WWOX: variants seen among roughly 807,000 people sequenced by gnomAD.
WWOX encodes the protein WW domain containing oxidoreductase, also known as WW domain-containing oxidoreductase.
WWOX carries 69 observed loss-of-function variants against 46.2 expected under a neutral mutation model. The observed-to-expected ratio is 1.49, with a 90% CI of 1.23 to 1.82. The LOEUF is 1.82. Among genes scored for constraint, WWOX ranks in the 40% most tolerant of loss-of-function variants. The pLI, the probability that WWOX is intolerant of heterozygous loss-of-function variation, is 0.00. For missense variants in WWOX, 919 were observed against 542.6 expected (o/e 1.69, Z -6.89); for synonymous variants, 359 against 202.6 (o/e 1.77, Z -6.56).
chr16:78,707,223 G>C (rs956427752), intron 8 of WWOX, among the ~76,000 whole-genome samples: 2 of 152,124 alleles, frequency 1.3e-5, no homozygotes, highest in African/African-American at 2.4e-5. Flanking sequence ...AGCACCATCA[G>C]TCTTTTGGGA....
intron 8 of WWOX, among the ~76,000 whole-genome samples, chr16:78,768,282 A>AAAAAACAAAC (rs1193418123): frequency 5.0e-5 from 7 of 139,912 alleles, no homozygotes; most frequent in African/African-American, 2.1e-4. Context: ...GATGAGTTAA[A>AAAAAACAAAC]AAAAAAAAAA....
chr16:78,371,052 C>A (rs1473251537), intron 5 of WWOX, among the ~76,000 whole-genome samples: 1 of 131,540 alleles, frequency 7.6e-6, no homozygotes, highest in African/African-American at 2.7e-5. Flanking sequence ...TTTTTCTTTG[C>A]TGTTCTTCAT....
At position 78,206,153 on chromosome 16, in the gene WWOX, T is replaced by C. The variant is rs190014541; in HGVS notation, c.516+41864T>C. On this transcript the variant is annotated intron_variant, in intron 5 of 8. Transcript: ENST00000566780. ...TTGAAATTTTTTATACTATGTTCTATTGGGAACCATTTCAGGGTTTTGAGA... is the reference window on the plus strand; with the variant it reads ...TTGAAATTTTTTATACTATGTTCTACTGGGAACCATTTCAGGGTTTTGAGA... 2.8e-3 allele frequency among the ~76,000 whole-genome samples: 420 copies of C among 152,236 alleles called. 1 individual carries two copies. The highest frequency in any genetic ancestry group is 4.1e-3 in the Non-Finnish European group (278 of 68,014).
Position 78,757,174 on chromosome 16 carries a change from C to T in WWOX, c.1056+324422C>T, listed in dbSNP as rs377712582. Among the ~76,000 whole-genome samples, 17 of 152,116 alleles carry T rather than the reference C, an allele frequency of 1.1e-4. No individual in the cohort carries two copies. In the East Asian group the frequency reaches 1.2e-3, roughly 10 times the overall value. On this transcript the variant is annotated intron_variant, in intron 8 of 8. Coordinates refer to ENST00000566780, the MANE Select transcript of WWOX (RefSeq NM_016373.4). ...TTTCTGCACCACAGAAATTCTTGTG[C>T]GAGATAATAAAAGTTAATTATTGTT...
chr16:78,494,094 G>A (rs554268774), intron 8 of WWOX, among the ~76,000 whole-genome samples: 2 of 152,110 alleles, frequency 1.3e-5, no homozygotes, highest in South Asian at 2.1e-4. Flanking sequence ...TATGGCAGAA[G>A]GTGAAGGGGA....
intron 5 of WWOX, among the ~76,000 whole-genome samples, chr16:78,369,857 G>A (rs925286582): frequency 2.6e-5 from 4 of 152,044 alleles, no homozygotes; most frequent in Non-Finnish European, 4.4e-5. Context: ...ATAAGGGCAC[G>A]CACAATGGCT....
At chr16:78,674,505 A>G (rs547662651) in intron 8 of WWOX, among the ~76,000 whole-genome samples, 1 of 151,890 alleles carries the variant, frequency 6.6e-6, no homozygotes, top group African/African-American at 2.4e-5. Flanking sequence ...GGCTGGTCTC[A>G]AACTCCTGAC....
At chr16:78,667,670 CAAAAAAAA>C (rs35375082) in intron 8 of WWOX, among the ~76,000 whole-genome samples, 2 of 61,306 alleles carry the variant, frequency 3.3e-5, no homozygotes, top group Non-Finnish European at 6.7e-5. Context: ...GACTCCGTCT[CAAAAAAAA>C]AAAAAAAAAA....
intron 8 of WWOX, among the ~76,000 whole-genome samples, chr16:78,609,267 A>G (rs1250737271): frequency 6.6e-6 from 1 of 151,952 alleles, no homozygotes; most frequent in Non-Finnish European, 1.5e-5. Context: ...CTGCCAAGTT[A>G]TTTTTTTGTT....
intron 5 of WWOX, among the ~76,000 whole-genome samples, chr16:78,222,534 A>G (rs866378340): frequency 6.6e-6 from 1 of 152,262 alleles, no homozygotes; most frequent in Non-Finnish European, 1.5e-5. Context: ...TTTGCAGCCG[A>G]GACATCGGGG....
intron 8 of WWOX, among the ~76,000 whole-genome samples, chr16:78,501,956 TCA>T (rs2085081325): frequency 1.3e-5 from 2 of 152,266 alleles, no homozygotes; most frequent in Admixed American, 1.3e-4. Context: ...TCGGTTCCTC[TCA>T]GAGTTAACGT....
intron 8 of WWOX, among the ~76,000 whole-genome samples, chr16:79,182,487 G>C (rs565155924): frequency 4.6e-5 from 7 of 152,104 alleles, no homozygotes; most frequent in African/African-American, 1.4e-4. Flanking sequence ...TGAGAATGCA[G>C]TGATTCTTCA....
intron 8 of WWOX, among the ~76,000 whole-genome samples, chr16:78,936,799 C>T (rs1473558105): frequency 6.6e-6 from 1 of 152,138 alleles, no homozygotes; most frequent in African/African-American, 2.4e-5. Context: ...TGAAGTATGT[C>T]TAGAGTATGG....
At chr16:78,149,078 A>T (rs1270776965) in intron 4 of WWOX, among the ~76,000 whole-genome samples, 1 of 152,000 alleles carries the variant, frequency 6.6e-6, no homozygotes, top group African/African-American at 2.4e-5. Context: ...TGTAACCTCG[A>T]ATTCCTAAGC....
chr16:78,238,120 G>C (rs2037503511), intron 5 of WWOX: 1 of 152,220 alleles, frequency 6.6e-6, no homozygotes, highest in Admixed American at 6.5e-5. Flanking sequence ...CGTCTAGAAA[G>C]TGCCTCGGTT....
At position 78,109,105 on chromosome 16, in the gene WWOX, G is replaced by C. The variant is rs114980716; in HGVS notation, c.172+618G>C. On this transcript the variant is annotated intron_variant, in intron 2 of 8. Coordinates refer to ENST00000566780, the MANE Select transcript of WWOX (RefSeq NM_016373.4). Reference sequence around the variant, plus strand: ...TAAAATTGTTCTTGGCTATACTATGGAATTAAATATATAAGTATTTGGAAA... The same window carrying C: ...TAAAATTGTTCTTGGCTATACTATGCAATTAAATATATAAGTATTTGGAAA... 6.4e-3 allele frequency among the ~76,000 whole-genome samples: 972 copies of C among 152,280 alleles called. 15 individuals are homozygous for C. Among genetic ancestry groups the C allele is most frequent in the African/African-American group, 0.022 (922 of 41,554 alleles).
chr16:78,740,973 C>T (rs776563623), intron 8 of WWOX, among the ~76,000 whole-genome samples: 1 of 152,148 alleles, frequency 6.6e-6, no homozygotes, highest in Non-Finnish European at 1.5e-5. Context: ...CAAATACAAG[C>T]CCTTCTCTTA....
chr16:78,340,021 G>C lies in WWOX; in HGVS notation c.517-46839G>C, dbSNP rs1219806409. Among the ~76,000 whole-genome samples the C allele has an allele frequency of 1.2e-4, 6 of 49,056 alleles. 1 individual carries two copies. The highest frequency in any genetic ancestry group is 4.0e-4 in the East Asian group (1 of 2,516). 32.2% of individuals were successfully genotyped at this position (49,056 alleles called of 152,430 possible). On this transcript the variant is annotated intron_variant, in intron 5 of 8. Coordinates refer to ENST00000566780, the MANE Select transcript of WWOX (RefSeq NM_016373.4). ...CTAGTCTTTCCATGGATTTGGTGGG[G>C]GGGGGGGGGACGTTTCTATTTCCTT...
Position 78,475,256 on chromosome 16 carries a change from A to T in WWOX, c.1056+42504A>T, listed in dbSNP as rs137944425. Reference sequence around the variant, plus strand: ...TGCTGGAAGCTGCTGCTGCTTCTTCATCTTTATCTTCTCCTCCCTGTGTAT... The same window carrying T: ...TGCTGGAAGCTGCTGCTGCTTCTTCTTCTTTATCTTCTCCTCCCTGTGTAT... On this transcript the variant is annotated intron_variant, in intron 8 of 8. Coordinates refer to ENST00000566780, the MANE Select transcript of WWOX (RefSeq NM_016373.4). 3.0e-3 allele frequency among the ~76,000 whole-genome samples: 463 copies of T among 152,314 alleles called. 2 individuals carry two copies. Among genetic ancestry groups the T allele is most frequent in the Non-Finnish European group, 4.9e-3 (332 of 68,034 alleles).
Sources: allele counts gnomAD v4.1 joint callset (sites outside exome capture counted in the v4.1 genomes callset), GRCh38; gene constraint gnomAD v4.1.1; transcripts MANE v1.5; gene names NCBI Gene and HGNC (gene_info 2026-07-23, HGNC 2026-07-21).